Variants in AVEN observed in about 807,000 individuals in gnomAD.
The protein encoded by AVEN is apoptosis and caspase activation inhibitor.
Under a neutral mutation model 38.1 loss-of-function variants are expected in AVEN, and 41 were observed. The ratio of observed to expected loss-of-function variants is 1.08; its 90% CI spans 0.84 to 1.40. The LOEUF (loss-of-function observed/expected upper bound fraction) is 1.40. AVEN is among the 40% of genes most tolerant of loss of function. AVEN has a pLI of 0.00. For synonymous variants in AVEN, 206 were observed against 171.8 expected, an observed-to-expected ratio of 1.20 and a Z score of -1.56; for missense variants, 605 against 438.8, an observed-to-expected ratio of 1.38 and a Z score of -3.38.
chr15:33,908,246 C>CTCCCCATTCTCTCT (rs369000628), intron 2 of AVEN, among the ~76,000 whole-genome samples: 4 of 111,942 alleles, frequency 3.6e-5, no homozygotes, highest in South Asian at 5.3e-4. Context: ...TTACACATAA[C>CTCCCCATTCTCTCT]CAGGATTCTT....
intron 2 of AVEN, among the ~76,000 whole-genome samples, chr15:33,961,668 C>T (rs1206953794): frequency 2.8e-4 from 43 of 151,506 alleles, no homozygotes; most frequent in Non-Finnish European, 3.8e-4. Context: ...AAAAAATTAG[C>T]CGGGCGTGGT....
intron 2 of AVEN, among the ~76,000 whole-genome samples, chr15:33,897,219 T>C (rs532628885): frequency 2.3e-4 from 35 of 152,320 alleles, no homozygotes; most frequent in Middle Eastern, 3.4e-3. Flanking sequence ...ACAGACTACT[T>C]ACATTTGTAA....
rs1381411256 is a variant in AVEN at position 34,073,986 on chromosome 15, C to CTTTTTTTTTTTTTTT, written n.720+449_720+450insAAAAAAAAAAAAAAA. ...TGGAGGAACTTTCTTTTTTCTTCTT[C>CTTTTTTTTTTTTTTT]TTCTTTTTTTTTTTTTTTTTTTTTT... On this transcript the variant is annotated intron_variant and non_coding_transcript_variant, in intron 1 of 11. Transcript: ENST00000675287. 1.8e-4 allele frequency among the ~76,000 whole-genome samples: 20 copies of CTTTTTTTTTTTTTTT among 112,192 alleles called. 3 individuals are homozygous for CTTTTTTTTTTTTTTT. The highest frequency in any genetic ancestry group is 7.4e-4 in the African/African-American group (18 of 24,274). The allele number at this position is 112,192 out of a possible 152,430, so 73.6% of individuals were successfully genotyped here. A position where few individuals can be genotyped will look rare whatever the true frequency, so the allele number is the denominator to read the frequency against.
At chr15:33,887,985 C>T (rs1053314470) in intron 2 of AVEN, among the ~76,000 whole-genome samples, 1 of 152,124 alleles carries the variant, frequency 6.6e-6, no homozygotes, top group African/African-American at 2.4e-5. Flanking sequence ...AGTTCACCCT[C>T]AGGGAGAGCA....
At chr15:33,958,087 T>C (rs1278407629) in intron 2 of AVEN, among the ~76,000 whole-genome samples, 2 of 152,256 alleles carry the variant, frequency 1.3e-5, no homozygotes, top group African/African-American at 4.8e-5. Context: ...TTTGTAGAAG[T>C]GGTTACACAG....
At chr15:34,037,800 T>C (rs1281777510) in intron 1 of AVEN, among the ~76,000 whole-genome samples, 1 of 152,182 alleles carries the variant, frequency 6.6e-6, no homozygotes, top group African/African-American at 2.4e-5. Flanking sequence ...ATACAACTAC[T>C]CTCTTTAGGG....
chr15:33,867,062 G>C (rs1441851872), intron 5 of AVEN, among the ~76,000 whole-genome samples: 1 of 152,094 alleles, frequency 6.6e-6, no homozygotes, highest in African/African-American at 2.4e-5. Context: ...CTCTACATCA[G>C]ATGGGCCACT....
intron 1 of AVEN, among the ~76,000 whole-genome samples, chr15:34,070,825 G>T (rs1900611712): frequency 6.6e-6 from 1 of 152,188 alleles, no homozygotes; most frequent in Non-Finnish European, 1.5e-5. Context: ...GTATTATTCT[G>T]CAATAAATTT....
In AVEN at chr15:33,871,774, C is replaced by CAAAAAAAAAA. The variant is rs55793582; in HGVS notation, c.517-754_517-745dup. Reference sequence around the variant, plus strand: ...AAGGTTTCAAACGAGCTAGTCTCCTCAAAAAAAAAAAAAAAAAGCCACTTT... The same window carrying CAAAAAAAAAA: ...AAGGTTTCAAACGAGCTAGTCTCCTCAAAAAAAAAAAAAAAAAAAAAAAAAAAGCCACTTT... On this transcript the variant is annotated intron_variant, in intron 3 of 5. Transcript: ENST00000306730. 3.9e-4 allele frequency among the ~76,000 whole-genome samples: 36 copies of CAAAAAAAAAA among 91,598 alleles called. No homozygotes were observed. In the East Asian group the frequency reaches 7.1e-3, roughly 18 times the overall value. The allele number at this position is 91,598 out of a possible 152,430, so 60.1% of individuals were successfully genotyped here. A position where few individuals can be genotyped will look rare whatever the true frequency, so the allele number is the denominator to read the frequency against.
chr15:34,017,484 G>GTTTTTTTTTTTTTTTT (rs60119659), intron 1 of AVEN, among the ~76,000 whole-genome samples: 2 of 107,340 alleles, frequency 1.9e-5, no homozygotes, highest in African/African-American at 6.3e-5. Flanking sequence ...TTTTTTTTTT[G>GTTTTTTTTTTTTTTTT]TTTTTTTTTT....
downstream of AVEN, among the ~76,000 whole-genome samples, chr15:33,861,877 G>A (rs946099730): frequency 2.0e-5 from 3 of 151,924 alleles, no homozygotes; most frequent in Non-Finnish European, 2.9e-5. Context: ...TGCCTGCCTC[G>A]GCCTCTCAGT....
intron 2 of AVEN, among the ~76,000 whole-genome samples, chr15:33,981,979 T>C (rs944262817): frequency 2.0e-5 from 3 of 151,930 alleles, no homozygotes; most frequent in African/African-American, 7.3e-5. Flanking sequence ...GCCTCCCTAG[T>C]AGCTGGGACT....
intron 2 of AVEN, among the ~76,000 whole-genome samples, chr15:33,930,896 A>T (rs1893815210): frequency 6.7e-6 from 1 of 150,252 alleles, no homozygotes; most frequent in South Asian, 2.1e-4. Flanking sequence ...CGGAGCTTGC[A>T]GTGAGCCAAG....
intron 2 of AVEN, among the ~76,000 whole-genome samples, chr15:33,917,625 T>C (rs938208361): frequency 2.6e-5 from 4 of 151,574 alleles, no homozygotes; most frequent in Non-Finnish European, 5.9e-5. Flanking sequence ...TACATATATA[T>C]ACACACACAC....
Position 34,063,881 on chromosome 15 carries a change from C to T in AVEN, n.1127-449G>A, listed in dbSNP as rs370986341. The T allele has an allele frequency of 2.7e-5, 44 of 1,614,016 alleles. No homozygotes were observed. The highest frequency in any genetic ancestry group is 4.5e-5 in the East Asian group (2 of 44,900). ...AGTTCCGATTGGTGGTAAAAGCTGA[C>T]GGGAACCAGGAGACCAACAATGGCT... On this transcript the variant is annotated intron_variant and non_coding_transcript_variant, in intron 4 of 11. Transcript: ENST00000675287. The surrounding 1 kb of genome is among the most constrained non-coding windows in gnomAD (Gnocchi z 4.1).
Position 34,063,746 on chromosome 15 carries a change from G to A in AVEN, n.1127-314C>T. 6.2e-7 allele frequency: 1 copy of A among 1,614,240 alleles called. No individual in the cohort carries two copies. The stretch of plus-strand genomic sequence containing the variant: ...AAGAATTCAGTGCTGAAGAGACTGA[G>A]GAAACTTTTGTGAAAGCTGAAACTG... On this transcript the variant is annotated intron_variant and non_coding_transcript_variant, in intron 4 of 11. Transcript: ENST00000675287. This position sits in a 1 kb window ranked among gnomAD's most constrained non-coding sequence, Gnocchi z 4.1.
At position 33,932,789 on chromosome 15, in the gene AVEN, C is replaced by T. The variant is rs376257053; in HGVS notation, c.446-56794G>A. On this transcript the variant is annotated intron_variant, in intron 2 of 5. Coordinates refer to ENST00000306730, the MANE Select transcript of AVEN (RefSeq NM_020371.3). The stretch of plus-strand genomic sequence containing the variant: ...GCAGTGAGCCGAGATCGTGCCATTG[C>T]ACTCCAGCCTGGGTGACAAGAGCAA... 1.5e-4 allele frequency among the ~76,000 whole-genome samples: 23 copies of T among 151,882 alleles called. No individual in the cohort carries two copies. The East Asian group carries it at 4.5e-3, about 29-fold the overall frequency.
intron 2 of AVEN, among the ~76,000 whole-genome samples, chr15:34,002,533 T>G: frequency 2.4e-5 from 1 of 42,204 alleles, no homozygotes; most frequent in East Asian, 1.2e-3. Flanking sequence ...TTTTTCACTT[T>G]ATTGACAGAG....
At chr15:33,931,062 C>A (rs1236174044) in intron 2 of AVEN, among the ~76,000 whole-genome samples, 1 of 151,560 alleles carries the variant, frequency 6.6e-6, no homozygotes, top group African/African-American at 2.4e-5. Flanking sequence ...TATTTTTACA[C>A]ACCCCTTAGA....
Sources: allele counts gnomAD v4.1 joint callset (sites outside exome capture counted in the v4.1 genomes callset), GRCh38; gene constraint gnomAD v4.1.1; non-coding constraint Gnocchi (gnomAD v3.1); transcripts MANE v1.5; gene names NCBI Gene and HGNC (gene_info 2026-07-23, HGNC 2026-07-21).